The following ATG3 variants were observed in gnomAD, a reference collection of about 807,000 sequenced individuals.
ATG3 encodes autophagy related 3.
ATG3 carries 25 observed loss-of-function variants against 50.7 expected under a neutral mutation model. That is an observed-to-expected ratio of 0.49 (90% CI 0.36 to 0.69). The LOEUF (loss-of-function observed/expected upper bound fraction) is 0.69, where lower values mean the gene tolerates loss of function less well. Ranked by LOEUF, ATG3 falls within the 30% of genes least tolerant of loss-of-function variation. The pLI is 0.00. For missense variants in ATG3, 281 were observed against 376.0 expected (o/e 0.75, Z 2.09); for synonymous variants, 119 against 125.5 (o/e 0.95, Z 0.34).
At chr3:112,533,543 A>G (rs2638037) in intron 11 of ATG3, 105,874 of 985,096 alleles carry the variant, frequency 0.11, 12,376 homozygotes, top group African/African-American at 0.55. Context: ...TAGACGTGGC[A>G]TCTTAGTCTC....
At chr3:112,536,949 AAAAAAAAAAAAAAGAAATT>A (rs1933071966) in intron 9 of ATG3, among the ~76,000 whole-genome samples, 1 of 106,168 alleles carries the variant, frequency 9.4e-6, no homozygotes, top group African/African-American at 3.1e-5. Flanking sequence ...AAAAAAAAAA[AAAAAAAAAAAAAAGAAATT>A]ACTATTTAGA....
At chr3:112,556,819 TGAAGGCAGCATGCTCGTTAAGAGTC>T (rs1245244784) in intron 2 of ATG3, among the ~76,000 whole-genome samples, 3 of 152,012 alleles carry the variant, frequency 2.0e-5, no homozygotes, top group Non-Finnish European at 4.4e-5. Flanking sequence ...AACAGATGCT[TGAAGGCAGCATGCTCGTTAAGAGTC>T]ATCACCACTC....
chr3:112,545,766 ACT>A (rs774451712), intron 5 of ATG3, among the ~76,000 whole-genome samples: 2 of 152,048 alleles, frequency 1.3e-5, no homozygotes, highest in Non-Finnish European at 2.9e-5. Flanking sequence ...AGCTCAAATG[ACT>A]CTAATGAGAG....
intron 9 of ATG3, 188 bp from the exon 10 acceptor site, chr3:112,536,790 G>A (rs534793928): frequency 7.3e-5 from 33 of 449,828 alleles, no homozygotes; most frequent in African/African-American, 6.4e-4. Context: ...GCAGGGTGGT[G>A]GGCGCCTGTG....
Position 112,550,181 on chromosome 3 carries a change from A to C in ATG3, c.235+11T>G. The C allele has an allele frequency of 6.3e-7, 1 of 1,597,076 alleles. No homozygotes were observed. ...CGCAAAATTTATTCATATATGCAAC[A>C]TAATTCTTACCATTTTTGGTTACCA... On this transcript the variant is annotated intron_variant, in intron 4 of 11. Coordinates refer to ENST00000283290, the MANE Select transcript of ATG3 (RefSeq NM_022488.5).
chr3:112,554,324 C>T (rs1331028710), intron 2 of ATG3, among the ~76,000 whole-genome samples: 1 of 152,168 alleles, frequency 6.6e-6, no homozygotes, highest in African/African-American at 2.4e-5. Flanking sequence ...GATGACACTC[C>T]ACCATTGTGA....
chr3:112,553,354 G>GA (rs763363409), intron 2 of ATG3, 25 bp from the exon 3 acceptor site: 4 of 1,598,410 alleles, frequency 2.5e-6, no homozygotes, highest in African/African-American at 1.3e-5. Context: ...AAAGTAATAT[G>GA]AAAAAAAGGA....
chr3:112,550,376 T>C (rs1212187750), intron 3 of ATG3, 114 bp from the exon 4 acceptor site: 3 of 902,234 alleles, frequency 3.3e-6, no homozygotes, highest in Non-Finnish European at 4.9e-6. Flanking sequence ...TCTCAGAAAA[T>C]TGGTTTAAAA....
At chr3:112,553,820 CCT>C (rs1365773267) in intron 2 of ATG3, among the ~76,000 whole-genome samples, 4 of 152,098 alleles carry the variant, frequency 2.6e-5, no homozygotes, top group African/African-American at 9.7e-5. Flanking sequence ...TCTTCCTCTT[CCT>C]CTTTTATTAT....
At chr3:112,545,318 T>A (rs910835143) in intron 5 of ATG3, among the ~76,000 whole-genome samples, 2 of 152,236 alleles carry the variant, frequency 1.3e-5, no homozygotes, top group African/African-American at 4.8e-5. Context: ...ACCAGTCAGC[T>A]AGATAACATT....
chr3:112,546,841 G>A (rs750759760), intron 5 of ATG3, among the ~76,000 whole-genome samples: 12 of 152,140 alleles, frequency 7.9e-5, no homozygotes, highest in Non-Finnish European at 1.0e-4. Flanking sequence ...TCAGTGGGGC[G>A]GGGGGAAAGA....
At chr3:112,553,046 TGC>T (rs1415579568) in intron 3 of ATG3, among the ~76,000 whole-genome samples, 2 of 152,312 alleles carry the variant, frequency 1.3e-5, no homozygotes, top group African/African-American at 4.8e-5. Context: ...AGGAAGTAAA[TGC>T]ATTTTTCTCA....
At chr3:112,561,411 G>A (rs1186529574) in intron 1 of ATG3, 46 bp downstream of exon 1, 1 of 1,593,224 alleles carries the variant, frequency 6.3e-7, no homozygotes, top group Non-Finnish European at 8.6e-7. Flanking sequence ...TCCCTGAAAA[G>A]TCGAGCATGT....
At chr3:112,549,490 T>C (rs1387827698) in intron 4 of ATG3, among the ~76,000 whole-genome samples, 14 of 152,200 alleles carry the variant, frequency 9.2e-5, no homozygotes, top group Admixed American at 9.2e-4. Flanking sequence ...GATGTTGTTT[T>C]TAAATTTAAC....
Position 112,561,641 on chromosome 3 carries a change from T to G in ATG3, c.-113A>C. On this transcript the variant is annotated 5_prime_UTR_variant, in exon 1 of 12. Transcript: ENST00000283290. ...CCACCGACTCGCATCAGCACCCGGCTGGCAGCACCCGAGGGGACGGGACGC... is the reference window on the plus strand; with the variant it reads ...CCACCGACTCGCATCAGCACCCGGCGGGCAGCACCCGAGGGGACGGGACGC... 4 of 1,088,018 alleles carry G rather than the reference T, an allele frequency of 3.7e-6. No individual in the cohort carries two copies. Among genetic ancestry groups the G allele is most frequent in the Non-Finnish European group, 2.6e-6 (2 of 760,526 alleles). 67.4% of individuals were successfully genotyped at this position (1,088,018 alleles called of 1,614,324 possible).
At chr3:112,548,077 G>A (rs897757457) in intron 5 of ATG3, among the ~76,000 whole-genome samples, 5 of 152,130 alleles carry the variant, frequency 3.3e-5, no homozygotes, top group African/African-American at 9.7e-5. Flanking sequence ...ACTCTGGCCG[G>A]GCGCAGTGGC....
At chr3:112,547,235 C>A (rs1933393710) in intron 5 of ATG3, among the ~76,000 whole-genome samples, 1 of 152,200 alleles carries the variant, frequency 6.6e-6, no homozygotes, top group Non-Finnish European at 1.5e-5. Flanking sequence ...CTACAATGCA[C>A]AGAAAATAAT....
In ATG3 at chr3:112,537,888, A is replaced by T; in HGVS notation, c.513T>A (p.Ala171=). 3 of 1,596,978 alleles carry T rather than the reference A, an allele frequency of 1.9e-6. No individual in the cohort carries two copies. Among genetic ancestry groups the T allele is most frequent in the Non-Finnish European group, 2.6e-6 (3 of 1,175,062 alleles). The change falls in exon 9 of 12, where the codon GCT becomes GCA. Residue 171 remains alanine (A), a splice_region_variant and synonymous_variant. Transcript: ENST00000283290. ...CTACTATTTTCCTTGTATCTAGGGT[A>T]GCCTGAAAATAATAAAAGAGAAAAA... ...EESGLLETDE[A]TLDTRKIVEA...
rs1559841457 is a variant in ATG3, at chr3:112,534,457, TTA to T, written c.795-122_795-121del. 1.1e-5 allele frequency: 7 copies of T among 626,700 alleles called. No individual in the cohort carries two copies. The Admixed American group carries it at 1.2e-4, about 11-fold the overall frequency. 38.8% of individuals were successfully genotyped at this position (626,700 alleles called of 1,614,324 possible). A position where few individuals can be genotyped will look rare whatever the true frequency, so the allele number is the denominator to read the frequency against. On this transcript the variant is annotated intron_variant, in intron 10 of 11. Transcript: ENST00000283290. The stretch of plus-strand genomic sequence containing the variant: ...CTCTCAGTGAATTAATTTTTAATAG[TTA>T]TATTATAAACTATCTCCCCCACCAC...
Sources: gnomAD v4.1 joint callset for allele counts (sites outside exome capture counted in the v4.1 genomes callset) on GRCh38, gnomAD v4.1.1 for gene constraint, MANE v1.5 for transcripts, NCBI Gene and HGNC (gene_info 2026-07-23, HGNC 2026-07-21) for gene names.